ERICH1: variants seen among roughly 807,000 people sequenced by gnomAD.
ERICH1 encodes glutamate-rich protein 1.
ERICH1 carries 56 observed loss-of-function variants against 39.6 expected under a neutral mutation model. The observed-to-expected ratio is 1.41, with a 90% CI of 1.14 to 1.77. ERICH1 has a LOEUF of 1.77. Among genes scored for constraint, ERICH1 ranks in the 40% most tolerant of loss-of-function variants. The probability of loss-of-function intolerance (pLI) is 0.00; values close to 1 mark genes in which losing one functional copy is unlikely to be tolerated. For synonymous variants in ERICH1, 313 were observed against 223.6 expected (o/e 1.40, Z -3.57); for missense variants, 826 against 575.4 (o/e 1.44, Z -4.45).
intron 3 of ERICH1, among the ~76,000 whole-genome samples, chr8:631,207 C>G (rs888311735): frequency 6.6e-6 from 1 of 152,266 alleles, no homozygotes; most frequent in Admixed American, 6.5e-5. Flanking sequence ...ACAGGGGTGC[C>G]TGCGCCATCC....
In ERICH1 at chr8:645,969, A is replaced by G. The variant is rs1191728555; in HGVS notation, c.976+22629T>C. 2.9e-5 allele frequency among the ~76,000 whole-genome samples: 2 copies of G among 69,960 alleles called. 1 individual carries two copies. The highest frequency in any genetic ancestry group is 7.2e-5 in the African/African-American group (2 of 27,824). The allele number at this position is 69,960 out of a possible 152,430, so 45.9% of individuals were successfully genotyped here. The stretch of plus-strand genomic sequence containing the variant: ...ACATCCGTGAGATGCACTGAGATGC[A>G]TGTTTTTGGCACTGGCTGCTCTCGT... On this transcript the variant is annotated intron_variant, in intron 3 of 3. Transcript: ENST00000522706.
intron 2 of ERICH1, among the ~76,000 whole-genome samples, chr8:696,821 A>T (rs1810405958): frequency 1.1e-5 from 1 of 89,240 alleles, no homozygotes; most frequent in Non-Finnish European, 2.2e-5. Context: ...CTTCCTCCCC[A>T]TCAGCCTGCG....
At chr8:683,419 T>G (rs1806578310) in intron 3 of ERICH1, among the ~76,000 whole-genome samples, 1 of 152,110 alleles carries the variant, frequency 6.6e-6, no homozygotes, top group Non-Finnish European at 1.5e-5. Flanking sequence ...CCCTCCAGGG[T>G]CAGCCGTGAG....
rs552563898 is a variant in ERICH1 at position 716,873 on chromosome 8, G to A, written c.23-866C>T. Among the ~76,000 whole-genome samples, 14 of 152,208 alleles carry A rather than the reference G, an allele frequency of 9.2e-5. No homozygotes were observed. The South Asian group carries it at 1.5e-3, about 16-fold the overall frequency. On this transcript the variant is annotated intron_variant, in intron 1 of 5. Transcript: ENST00000262109. ...TCTAGGCGAGGCAGGGAGGCTCCAC[G>A]GCCCTACCTGGGAACACTGTAGCTG...
rs1379984308 is a variant in ERICH1 at position 630,563 on chromosome 8, TTCTGTGACCA to T, written c.977-15289_977-15280del. Reference sequence around the variant, plus strand: ...ACCCACACAGAGCTGACACACACCCTTCTGTGACCACCCACACAGACAGAGCTGACTCACA... The same window carrying T: ...ACCCACACAGAGCTGACACACACCCTCCCACACAGACAGAGCTGACTCACA... On this transcript the variant is annotated intron_variant, in intron 3 of 3. Coordinates refer to the ERICH1 transcript ENST00000522706. Among the ~76,000 whole-genome samples the T allele has an allele frequency of 7.5e-4, 57 of 75,530 alleles. 7 individuals are homozygous for T. The highest frequency in any genetic ancestry group is 9.6e-4 in the Admixed American group (6 of 6,272). The allele number at this position is 75,530 out of a possible 152,430, so 49.6% of individuals were successfully genotyped here. A position where few individuals can be genotyped will look rare whatever the true frequency, so the allele number is the denominator to read the frequency against.
chr8:615,111 T>A (rs889028340), exon 4 of ERICH1: 2 of 602,766 alleles, frequency 3.3e-6, no homozygotes, highest in Non-Finnish European at 5.9e-6. Context: ...CAAAGCTTGC[T>A]GCATCTGAGT....
chr8:685,258 C>T (rs142765222), intron 3 of ERICH1, among the ~76,000 whole-genome samples: 3,157 of 152,252 alleles, frequency 0.021, 121 homozygotes, highest in African/African-American at 0.071. Context: ...TACCCGTTTT[C>T]GGCAATAAGA....
chr8:663,463 T>C (rs1801732305), downstream of ERICH1, among the ~76,000 whole-genome samples: 1 of 151,734 alleles, frequency 6.6e-6, no homozygotes, highest in Non-Finnish European at 1.5e-5. Flanking sequence ...GCAGTTCCAC[T>C]CCCTAGAGGA....
intron 3 of ERICH1, chr8:625,729 G>T (rs1454066166): frequency 6.6e-6 from 1 of 152,200 alleles, no homozygotes; most frequent in African/African-American, 2.4e-5. Flanking sequence ...GCTTAAACCT[G>T]CTTCTGAACC....
chr8:632,850 C>T (rs760766709), intron 3 of ERICH1, among the ~76,000 whole-genome samples: 31 of 152,166 alleles, frequency 2.0e-4, no homozygotes, highest in Admixed American at 6.5e-4. Context: ...CTGGGGGTGT[C>T]GTTGTCATCT....
At chr8:665,857 G>C (rs1048999482) in intron 5 of ERICH1, 2 of 152,206 alleles carry the variant, frequency 1.3e-5, no homozygotes, top group Non-Finnish European at 2.9e-5. Flanking sequence ...TGTGATCTCT[G>C]TGCTCATCCT....
chr8:650,643 A>T (rs1703912), intron 3 of ERICH1, among the ~76,000 whole-genome samples: 35 of 152,144 alleles, frequency 2.3e-4, no homozygotes, highest in African/African-American at 8.4e-4. Flanking sequence ...GCACCGTGCC[A>T]TAGGGCAGGA....
At chr8:637,661 G>A (rs1483660954) in intron 3 of ERICH1, 1 of 152,284 alleles carries the variant, frequency 6.6e-6, no homozygotes, top group Non-Finnish European at 1.5e-5. Context: ...GACCTCACAG[G>A]GCCACAGAAC....
intron 2 of ERICH1, among the ~76,000 whole-genome samples, chr8:703,910 G>A (rs951604162): frequency 2.6e-5 from 4 of 152,162 alleles, no homozygotes; most frequent in Non-Finnish European, 4.4e-5. Flanking sequence ...CCCAGACTAC[G>A]GAGGCCACGA....
intron 3 of ERICH1, among the ~76,000 whole-genome samples, chr8:655,859 C>G (rs1188547992): frequency 6.6e-6 from 1 of 152,104 alleles, no homozygotes; most frequent in East Asian, 1.9e-4. Context: ...CATGACACAT[C>G]CTTTCCTGTC....
chr8:622,853 G>T (rs191428933), intron 3 of ERICH1, among the ~76,000 whole-genome samples: 1 of 152,068 alleles, frequency 6.6e-6, no homozygotes, highest in Non-Finnish European at 1.5e-5. Flanking sequence ...AGCAGCTCAG[G>T]ATGCTGAGGT....
Position 692,574 on chromosome 8 carries a change from T to C in ERICH1, c.208A>G (p.Thr70Ala), listed in dbSNP as rs554619695. ...TAGCCCTCAGGAGGCCCGCTGGCAG[T>C]GTAGAGCCGTCGGGCAGTCGGGGTC... ...SETPTARRLY[T>A]ASGPPEGYVP... Residue 70 changes from threonine to alanine, a missense_variant, in exon 3 of 6, where the codon ACT becomes GCT. Physicochemically the swap from Thr to Ala is moderately conservative, Grantham distance 58 (BLOSUM62 0). Transcript: ENST00000262109. 6.8e-6 allele frequency: 11 copies of C among 1,612,076 alleles called. No individual in the cohort carries two copies. Among genetic ancestry groups the C allele is most frequent in the African/African-American group, 5.3e-5 (4 of 74,966 alleles).
At chr8:652,389 G>A (rs191845689) in intron 3 of ERICH1, among the ~76,000 whole-genome samples, 127 of 152,348 alleles carry the variant, frequency 8.3e-4, no homozygotes, top group Middle Eastern at 3.4e-3. Flanking sequence ...TGCAGAGCCC[G>A]ACCGTTGTTG....
intron 3 of ERICH1, chr8:616,435 T>G (rs1238987866): frequency 6.8e-6 from 3 of 438,370 alleles, no homozygotes; most frequent in Non-Finnish European, 1.4e-5. Flanking sequence ...GCACACCCCA[T>G]GCTCTCCTGG....
Sources: gnomAD v4.1 joint callset for allele counts (sites outside exome capture counted in the v4.1 genomes callset) on GRCh38, gnomAD v4.1.1 for gene constraint, MANE v1.5 for transcripts, NCBI Gene and HGNC (gene_info 2026-07-23, HGNC 2026-07-21) for gene names.